Variants in SP140 observed in about 807,000 individuals in gnomAD.
SP140 encodes nuclear body protein SP140.
A neutral mutation model predicts 125.0 loss-of-function variants in SP140; 81 were observed. That is an observed-to-expected ratio of 0.65 (90% CI 0.54 to 0.78). The LOEUF (loss-of-function observed/expected upper bound fraction) is 0.78. Ranked by LOEUF, SP140 falls within the 30% of genes least tolerant of loss-of-function variation. SP140 has a pLI of 0.00. For missense variants in SP140, 858 were observed against 1,037.0 expected, an observed-to-expected ratio of 0.83 and a Z score of 2.37; for synonymous variants, 312 against 354.0, an observed-to-expected ratio of 0.88 and a Z score of 1.33.
chr2:230,297,417 A>G lies in SP140; in HGVS notation c.2017-4A>G. 1.2e-6 allele frequency: 2 copies of G among 1,613,530 alleles called. No homozygotes were observed. Among genetic ancestry groups the G allele is most frequent in the Non-Finnish European group, 1.7e-6 (2 of 1,179,586 alleles). On this transcript the variant is annotated splice_polypyrimidine_tract_variant and splice_region_variant and intron_variant, in intron 21 of 26. Coordinates refer to ENST00000392045, the MANE Select transcript of SP140 (RefSeq NM_007237.5). ...ATAAATCAATCTTTCTGTTTTTTCA[A>G]CAGAGAATACTGAAGTCTCAAAACA...
At chr2:230,305,938 G>A (rs2058719908) in intron 22 of SP140, among the ~76,000 whole-genome samples, 1 of 152,248 alleles carries the variant, frequency 6.6e-6, no homozygotes, top group Non-Finnish European at 1.5e-5. Flanking sequence ...TTTCCCCCAG[G>A]CAGGGTCACA....
chr2:230,311,626 T>C, intron 26 of SP140, 31 bp downstream of exon 26: 1 of 1,581,590 alleles, frequency 6.3e-7, no homozygotes, highest in South Asian at 1.2e-5. Context: ...CCATTTCATT[T>C]CTTTCCATCC....
At position 230,248,066 on chromosome 2, in the gene SP140, G is replaced by A. The variant is rs774721338; in HGVS notation, c.892+1G>A. 6.2e-7 allele frequency: 1 copy of A among 1,613,090 alleles called. No homozygotes were observed. Among genetic ancestry groups the A allele is most frequent in the Non-Finnish European group, 8.5e-7 (1 of 1,179,510 alleles). On this transcript the variant is annotated splice_donor_variant, in intron 8 of 26. Coordinates refer to ENST00000392045, the MANE Select transcript of SP140 (RefSeq NM_007237.5). LOFTEE classifies it high-confidence loss of function. Reference sequence around the variant, plus strand: ...GAGAGTCCAGAGGGAAGAGACAAAGGTAGGAACAGAAGAAGCAGAGACATG... The same window carrying A: ...GAGAGTCCAGAGGGAAGAGACAAAGATAGGAACAGAAGAAGCAGAGACATG...
intron 3 of SP140, among the ~76,000 whole-genome samples, chr2:230,215,312 T>G (rs906662270): frequency 6.6e-6 from 1 of 152,204 alleles, no homozygotes; most frequent in Admixed American, 6.5e-5. Flanking sequence ...TTACACATAT[T>G]TGGATGACTA....
chr2:230,271,962 C>T (rs781734263), intron 15 of SP140, among the ~76,000 whole-genome samples: 4 of 151,970 alleles, frequency 2.6e-5, no homozygotes, highest in African/African-American at 4.8e-5. Context: ...AATAGATGTG[C>T]GTTGCTACAA....
chr2:230,270,913 G>C, intron 15 of SP140: 1 of 473,082 alleles, frequency 2.1e-6, no homozygotes, highest in South Asian at 1.7e-5. Flanking sequence ...AATCTTGTAG[G>C]CCTTAAAGAG....
At chr2:230,271,439 T>G (rs1010661286) in intron 15 of SP140, among the ~76,000 whole-genome samples, 4 of 152,152 alleles carry the variant, frequency 2.6e-5, no homozygotes, top group African/African-American at 9.7e-5. Flanking sequence ...AAGCCTATAT[T>G]GCGTTAGAGA....
In SP140 at chr2:230,233,707, C is replaced by G. The variant is rs575353116; in HGVS notation, c.60-3376C>G. ...TGTGTTTTTATGAAAAATAATAAAA[C>G]TTTTCAAAATAGAAATAAATTAGCC... On this transcript the variant is annotated intron_variant, in intron 1 of 26. Coordinates refer to ENST00000392045, the MANE Select transcript of SP140 (RefSeq NM_007237.5). 5.3e-5 allele frequency among the ~76,000 whole-genome samples: 8 copies of G among 152,058 alleles called. No homozygotes were observed. The South Asian group carries it at 1.7e-3, about 31-fold the overall frequency.
At chr2:230,197,788 T>A in the SP140 span, among the ~76,000 whole-genome samples, 4 of 152,166 alleles carry the variant, frequency 2.6e-5, no homozygotes. Flanking sequence ...CAGCACCATT[T>A]ATTAAATAGG....
chr2:230,315,211 T>A (rs1238072843), downstream of SP140, among the ~76,000 whole-genome samples: 1 of 152,214 alleles, frequency 6.6e-6, no homozygotes, highest in Admixed American at 6.5e-5. Flanking sequence ...CAGTTCTCAA[T>A]GGAATCCAGA....
intron 15 of SP140, among the ~76,000 whole-genome samples, chr2:230,279,367 GA>G (rs1005992560): frequency 2.0e-5 from 3 of 151,038 alleles, no homozygotes; most frequent in Non-Finnish European, 4.4e-5. Flanking sequence ...AAGTAATTTT[GA>G]AAAAAAAGGA....
intron 9 of SP140, among the ~76,000 whole-genome samples, chr2:230,250,179 TTTCTCTGCTTTAGCACAATTG>T (rs1295181421): frequency 1.3e-5 from 2 of 152,232 alleles, no homozygotes; most frequent in Non-Finnish European, 2.9e-5. Flanking sequence ...TCAGACTCTT[TTTCTCTGCTTTAGCACAATTG>T]TTCTCTGCTT....
intron 22 of SP140, among the ~76,000 whole-genome samples, chr2:230,304,590 C>T (rs1431137765): frequency 6.6e-6 from 1 of 152,110 alleles, no homozygotes; most frequent in Non-Finnish European, 1.5e-5. Flanking sequence ...GAAGAAAGGA[C>T]CCAGAAATAA....
Position 230,290,545 on chromosome 2 carries a change from T to C in SP140, c.1806T>C (p.His602=), listed in dbSNP as rs949080172. 14 of 1,613,552 alleles carry C rather than the reference T, an allele frequency of 8.7e-6. No homozygotes were observed. The highest frequency in any genetic ancestry group is 1.1e-5 in the Non-Finnish European group (13 of 1,179,730). ...VTCGGVKGIL[H]KKKLQQGILV... is the part of the protein sequence containing the mutation. ...GTGGTGGGGTGAAGGGAATTTTACA[T>C]AAGAAGAAATTGCAGCAAGGTAGGT... is the stretch of plus-strand genomic sequence containing the variant. The change falls in exon 19 of 27, where the codon CAT becomes CAC. Residue 602 remains histidine, a synonymous_variant. Transcript: ENST00000392045.
chr2:230,294,671 A>G (rs1389282690), intron 21 of SP140, among the ~76,000 whole-genome samples: 3 of 152,214 alleles, frequency 2.0e-5, no homozygotes, highest in Non-Finnish European at 4.4e-5. Flanking sequence ...TAGTAAGGTG[A>G]GAGGATCACC....
the SP140 span, among the ~76,000 whole-genome samples, chr2:230,198,086 G>A: frequency 2.6e-5 from 4 of 151,858 alleles, no homozygotes; most frequent in Non-Finnish European, 5.9e-5. Flanking sequence ...TCTATCACAT[G>A]AAGTTCTCTG....
chr2:230,261,609 T>A (rs1319124666), intron 12 of SP140, among the ~76,000 whole-genome samples: 1 of 152,200 alleles, frequency 6.6e-6, no homozygotes, highest in Non-Finnish European at 1.5e-5. Flanking sequence ...TGGCTTTTAT[T>A]ACCTTAAGGT....
chr2:230,241,862 A>G (rs1360789252), intron 4 of SP140, among the ~76,000 whole-genome samples: 2 of 152,216 alleles, frequency 1.3e-5, no homozygotes, highest in Non-Finnish European at 2.9e-5. Flanking sequence ...CTATTAAGAG[A>G]AACTCAGAAA....
chr2:230,294,616 A>T (rs531522776), intron 21 of SP140, among the ~76,000 whole-genome samples: 256 of 152,364 alleles, frequency 1.7e-3, no homozygotes, highest in Middle Eastern at 6.8e-3. Flanking sequence ...AGAGTGTCCA[A>T]GTTGGAAAGT....
Sources: gnomAD v4.1 joint callset for allele counts (sites outside exome capture counted in the v4.1 genomes callset) on GRCh38, gnomAD v4.1.1 for gene constraint, MANE v1.5 for transcripts, NCBI Gene and HGNC (gene_info 2026-07-23, HGNC 2026-07-21) for gene names.